The following NID1 variants were observed in gnomAD, a reference collection of about 807,000 sequenced individuals.
The protein encoded by NID1 is nidogen 1, also known as nidogen-1.
Under a neutral mutation model 130.6 loss-of-function variants are expected in NID1, and 76 were observed. The observed-to-expected ratio is 0.58, with a 90% CI of 0.48 to 0.70. The LOEUF (loss-of-function observed/expected upper bound fraction) is 0.70. Among genes scored for constraint, NID1 ranks in the 30% least tolerant of loss-of-function variants. The pLI, the probability that NID1 is intolerant of heterozygous loss-of-function variation, is 0.00. For synonymous variants in NID1, 665 were observed against 675.1 expected (o/e 0.98, Z 0.23); for missense variants, 1,517 against 1,664.8 (o/e 0.91, Z 1.54).
chr1:236,011,903 G>C lies in NID1; in HGVS notation c.2527+18C>G. On this transcript the variant is annotated intron_variant, in intron 12 of 19. Coordinates refer to ENST00000264187, the MANE Select transcript of NID1 (RefSeq NM_002508.3). ...ACAGGGCAATGGGCTACCGACTCCA[G>C]ATGTCCCACCACCTTACCTCCGGGC... The C allele has an allele frequency of 6.2e-7, 1 of 1,613,082 alleles. No homozygotes were observed. Among genetic ancestry groups the C allele is most frequent in the Non-Finnish European group, 8.5e-7 (1 of 1,179,896 alleles).
At position 236,048,987 on chromosome 1, in the gene NID1, G is replaced by A; in HGVS notation, c.228C>T (p.Val76=). ...YDRSDIDAVY[V]TTNGIIATSE... is the part of the protein sequence containing the mutation. ...TCGTAGCAATGATGCCATTTGTGGT[G>A]ACCTGTACAAAACCAAGTGTGGTTA... is the stretch of plus-strand genomic sequence containing the variant. The change falls in exon 2 of 20, where the codon GTC becomes GTT. Residue 76 remains valine, a splice_region_variant and synonymous_variant. Coordinates refer to ENST00000264187, the MANE Select transcript of NID1 (RefSeq NM_002508.3). The A allele has an allele frequency of 3.7e-6, 6 of 1,612,710 alleles. No individual in the cohort carries two copies. The highest frequency in any genetic ancestry group is 5.1e-6 in the Non-Finnish European group (6 of 1,179,718).
chr1:236,050,226 T>C (rs1031808337), intron 1 of NID1, among the ~76,000 whole-genome samples: 1 of 152,098 alleles, frequency 6.6e-6, no homozygotes, highest in Non-Finnish European at 1.5e-5. Flanking sequence ...ACTTCATGAA[T>C]TGCCTTCTTG....
chr1:236,025,057 T>C (rs1572603112), intron 8 of NID1, among the ~76,000 whole-genome samples: 1 of 151,714 alleles, frequency 6.6e-6, no homozygotes, highest in South Asian at 2.1e-4. Flanking sequence ...TTCAAGCGAT[T>C]TTCCTGCCTC....
chr1:236,045,792 A>G (rs956555992), intron 2 of NID1, 109 bp from the exon 3 acceptor site: 3 of 798,212 alleles, frequency 3.8e-6, no homozygotes, highest in Non-Finnish European at 5.9e-6. Flanking sequence ...AGCGATGGCA[A>G]TATTCTCACC....
chr1:235,985,524 G>A lies in NID1; in HGVS notation c.2929-19C>T, dbSNP rs779540785. On this transcript the variant is annotated intron_variant, in intron 14 of 19. Coordinates refer to ENST00000264187, the MANE Select transcript of NID1 (RefSeq NM_002508.3). ...CTTTAGCCTGGATGTGAAGACCAGT[G>A]GTTAGAATGGTCCATCTACAAGCAT... 1.9e-6 allele frequency: 3 copies of A among 1,613,622 alleles called. No individual in the cohort carries two copies. Among genetic ancestry groups the A allele is most frequent in the Non-Finnish European group, 2.5e-6 (3 of 1,179,662 alleles).
At chr1:235,999,703 G>A (rs1184025201) in intron 12 of NID1, among the ~76,000 whole-genome samples, 1 of 152,090 alleles carries the variant, frequency 6.6e-6, no homozygotes, top group African/African-American at 2.4e-5. Flanking sequence ...GGAAGTCTGG[G>A]GTGACTTTTC....
At chr1:236,031,671 G>C (rs1440970512) in intron 6 of NID1, among the ~76,000 whole-genome samples, 2 of 152,162 alleles carry the variant, frequency 1.3e-5, no homozygotes, top group Non-Finnish European at 2.9e-5. Context: ...GGTCCTGGAA[G>C]TGACCAGCGA....
Position 235,979,788 on chromosome 1 carries a change from G to GACCACGCAGC in NID1, c.3509+33_3509+34insGCTGCGTGGT. On this transcript the variant is annotated intron_variant, in intron 18 of 19. Transcript: ENST00000264187. The surrounding 1 kb of genome is among the most constrained non-coding windows in gnomAD (Gnocchi z 4.6). ...CCAGAGACAGTGGGTGGAGGGGCAG[G>GACCACGCAGC]CCCACGCAGCCCCCATGGCTACAGC... is the stretch of plus-strand genomic sequence containing the variant. The GACCACGCAGC allele has an allele frequency of 6.2e-7, 1 of 1,608,628 alleles. No individual in the cohort carries two copies. The highest frequency in any genetic ancestry group is 1.1e-5 in the South Asian group (1 of 90,758).
chr1:235,988,693 GA>G lies in NID1; in HGVS notation c.2928+2192del, dbSNP rs200610194. 3.4e-3 allele frequency among the ~76,000 whole-genome samples: 521 copies of G among 152,298 alleles called. 5 individuals are homozygous for G. The highest frequency in any genetic ancestry group is 0.012 in the African/African-American group (487 of 41,560). On this transcript the variant is annotated intron_variant, in intron 14 of 19. Coordinates refer to ENST00000264187, the MANE Select transcript of NID1 (RefSeq NM_002508.3). The stretch of plus-strand genomic sequence containing the variant: ...ACAATGGGATTTCAGCCTTAAGAAA[GA>G]AGGAAATTATGACACATGCTACAAT...
At chr1:235,986,132 T>G (rs1012420434) in intron 14 of NID1, among the ~76,000 whole-genome samples, 1 of 152,238 alleles carries the variant, frequency 6.6e-6, no homozygotes, top group African/African-American at 2.4e-5. Context: ...AAGTTTTTGA[T>G]GTTTAGTAAG....
chr1:236,041,738 G>T (rs569515829), intron 4 of NID1, among the ~76,000 whole-genome samples, 172 bp downstream of exon 4: 2 of 152,136 alleles, frequency 1.3e-5, no homozygotes, highest in Non-Finnish European at 2.9e-5. Context: ...TGAAGCCACT[G>T]GGCATATAAC....
At chr1:236,022,634 G>T (rs879762948) in intron 9 of NID1, among the ~76,000 whole-genome samples, 5 of 151,274 alleles carry the variant, frequency 3.3e-5, no homozygotes, top group Admixed American at 2.6e-4. Flanking sequence ...CACTGCGCCT[G>T]GCCTCCTATT....
intron 12 of NID1, among the ~76,000 whole-genome samples, chr1:236,011,296 C>CTTTTTTTTTTTTTTTT (rs3077493): frequency 1.5e-5 from 2 of 135,948 alleles, no homozygotes; most frequent in African/African-American, 2.7e-5. Context: ...CAAATATATT[C>CTTTTTTTTTTTTTTTT]TTTTTTTTTC....
rs764267304 is a variant in NID1 at position 236,013,553 on chromosome 1, C to A, written c.2262G>T (p.Val754=). 1 of 1,614,132 alleles carries A rather than the reference C, an allele frequency of 6.2e-7. No individual in the cohort carries two copies. The highest frequency in any genetic ancestry group is 1.1e-5 in the South Asian group (1 of 91,080). ...CACAGTAGTTGATGGGGCGCTGGTC[C>A]ACGACAGCTTCAGAACAAAAGGTTG... ...FSDEGTCVAV[V]DQRPINYCET... The change falls in exon 11 of 20, where the codon GTG becomes GTT. Residue 754 remains valine (V), a synonymous_variant. Coordinates refer to ENST00000264187, the MANE Select transcript of NID1 (RefSeq NM_002508.3).
In NID1 at chr1:235,979,538, G is replaced by A. The variant is rs769693278; in HGVS notation, c.3509+284C>T. Among the ~76,000 whole-genome samples the A allele has an allele frequency of 4.6e-5, 7 of 152,210 alleles. No homozygotes were observed. Among genetic ancestry groups the A allele is most frequent in the African/African-American group, 9.6e-5 (4 of 41,460 alleles). The stretch of plus-strand genomic sequence containing the variant: ...GCCAACTCCTGGGGAAAGAACAGAC[G>A]TGCTGAGGAAGTCCAGGTTTAAAGA... On this transcript the variant is annotated intron_variant, in intron 18 of 19. Coordinates refer to ENST00000264187, the MANE Select transcript of NID1 (RefSeq NM_002508.3). The surrounding 1 kb of genome is among the most constrained non-coding windows in gnomAD (Gnocchi z 4.6).
chr1:236,003,554 A>G (rs1658150969), intron 12 of NID1, among the ~76,000 whole-genome samples: 1 of 152,194 alleles, frequency 6.6e-6, no homozygotes, highest in Non-Finnish European at 1.5e-5. Context: ...GGCGAGACCA[A>G]TTGTGCCAAG....
rs1165970792 is a variant in NID1 at position 235,993,756 on chromosome 1, C to G, written c.2644G>C (p.Gly882Arg). ...GLFVPECDAH[G>R]HYAPTQCHGS... ...TGGCACTGGGTGGGCGCGTAGTGCC[C>G]GTGCGCATCGCACTCAGGAACGAAC... is the stretch of plus-strand genomic sequence containing the variant. The change falls in exon 13 of 20, where the codon GGG becomes CGG. Residue 882 changes from glycine to arginine, a missense_variant. Transcript: ENST00000264187. 6.2e-7 allele frequency: 1 copy of G among 1,613,820 alleles called. No homozygotes were observed. Among genetic ancestry groups the G allele is most frequent in the Non-Finnish European group, 8.5e-7 (1 of 1,179,892 alleles).
At chr1:236,001,231 A>AAGT (rs1201902660) in intron 12 of NID1, among the ~76,000 whole-genome samples, 27 of 151,124 alleles carry the variant, frequency 1.8e-4, no homozygotes, top group African/African-American at 6.3e-4. Flanking sequence ...TCAGTCTCCC[A>AAGT]AGTAGCTGGG....
chr1:235,980,731 A>G, intron 16 of NID1, 78 bp from the exon 17 acceptor site: 5 of 1,430,334 alleles, frequency 3.5e-6, no homozygotes, highest in Non-Finnish European at 4.8e-6. Context: ...AAACACTTGA[A>G]AAGAATTACA....
Sources: gnomAD v4.1 joint callset for allele counts (sites outside exome capture counted in the v4.1 genomes callset) on GRCh38, gnomAD v4.1.1 for gene constraint, Gnocchi (gnomAD v3.1) non-coding constraint, MANE v1.5 for transcripts, NCBI Gene and HGNC (gene_info 2026-07-23, HGNC 2026-07-21) for gene names.